The following FMN1 variants were observed in gnomAD, a reference collection of about 807,000 sequenced individuals.
FMN1 encodes the protein formin-1.
In FMN1, 110 loss-of-function variants were observed where a neutral mutation model predicts 132.4. That is an observed-to-expected ratio of 0.83 (90% CI 0.71 to 0.97). FMN1 has a LOEUF of 0.97. Among genes scored for constraint, FMN1 ranks in the 50% least tolerant of loss-of-function variants. FMN1 has a pLI of 0.00. For missense variants in FMN1, 1,792 were observed against 1,705.3 expected (o/e 1.05, Z -0.90); for synonymous variants, 722 against 651.7 (o/e 1.11, Z -1.64).
At chr15:32,827,564 A>G (rs940279041) in intron 17 of FMN1, among the ~76,000 whole-genome samples, 1 of 152,222 alleles carries the variant, frequency 6.6e-6, no homozygotes, top group South Asian at 2.1e-4. Flanking sequence ...AAGAAAGGAC[A>G]TACAGGCCGG....
intron 18 of FMN1, among the ~76,000 whole-genome samples, chr15:32,804,054 G>A (rs186970150): frequency 4.1e-4 from 63 of 152,278 alleles, no homozygotes; most frequent in Non-Finnish European, 7.6e-4. Context: ...ATTGCATGAG[G>A]TAGCTAAAGT....
chr15:32,969,870 A>C (rs2031635285), intron 7 of FMN1, among the ~76,000 whole-genome samples: 1 of 152,212 alleles, frequency 6.6e-6, no homozygotes, highest in Non-Finnish European at 1.5e-5. Flanking sequence ...GAAAACTATA[A>C]AGAAAAAAAT....
At position 33,015,593 on chromosome 15, in the gene FMN1, T is replaced by C. The variant is rs74804229; in HGVS notation, c.2162-7518A>G. Among the ~76,000 whole-genome samples, 3 of 152,094 alleles carry C rather than the reference T, an allele frequency of 2.0e-5. No homozygotes were observed. In the East Asian group the frequency reaches 5.8e-4, roughly 29 times the overall value. Reference sequence around the variant, plus strand: ...GAAACTTTCTGAATTCTCCACTGAGTAGGAAACATGGATCTACTCCTACCC... The same window carrying C: ...GAAACTTTCTGAATTCTCCACTGAGCAGGAAACATGGATCTACTCCTACCC... On this transcript the variant is annotated intron_variant, in intron 6 of 20. Transcript: ENST00000616417.
chr15:32,813,989 T>A (rs751662005), intron 17 of FMN1, among the ~76,000 whole-genome samples: 1 of 152,198 alleles, frequency 6.6e-6, no homozygotes, highest in Non-Finnish European at 1.5e-5. Context: ...TCCATAGGAA[T>A]AGATACATCA....
intron 19 of FMN1, among the ~76,000 whole-genome samples, chr15:32,792,066 G>A (rs1271163708): frequency 3.3e-5 from 5 of 152,146 alleles, no homozygotes; most frequent in Admixed American, 3.3e-4. Flanking sequence ...AAGAAACAGA[G>A]GAACTAAGGA....
chr15:33,006,481 C>T (rs2034424132), intron 7 of FMN1, among the ~76,000 whole-genome samples: 1 of 152,078 alleles, frequency 6.6e-6, no homozygotes, highest in Non-Finnish European at 1.5e-5. Flanking sequence ...AGTGTGGAGG[C>T]TCTTCAAAAA....
chr15:32,939,146 C>T (rs2061345546), intron 9 of FMN1, among the ~76,000 whole-genome samples: 1 of 152,158 alleles, frequency 6.6e-6, no homozygotes, highest in Non-Finnish European at 1.5e-5. Flanking sequence ...TTTAGTGGCC[C>T]CCTGTGGACT....
intron 6 of FMN1, among the ~76,000 whole-genome samples, chr15:33,030,717 G>A (rs1274845666): frequency 6.6e-6 from 1 of 152,144 alleles, no homozygotes; most frequent in Admixed American, 6.5e-5. Context: ...AGTTATAATT[G>A]TAAAATGCCC....
intron 19 of FMN1, among the ~76,000 whole-genome samples, chr15:32,787,674 C>A (rs546765911): frequency 9.8e-4 from 149 of 152,166 alleles, no homozygotes; most frequent in African/African-American, 3.6e-3. Context: ...ACAGCAAGAC[C>A]CTCTCAACTA....
chr15:33,027,074 T>TA (rs1012678241), intron 6 of FMN1, among the ~76,000 whole-genome samples: 17 of 143,926 alleles, frequency 1.2e-4, no homozygotes, highest in African/African-American at 4.6e-4. Flanking sequence ...AACAGACATA[T>TA]TTTTTTTTTA....
intron 17 of FMN1, among the ~76,000 whole-genome samples, chr15:32,850,974 C>T (rs944038530): frequency 5.3e-5 from 8 of 151,976 alleles, no homozygotes; most frequent in Non-Finnish European, 8.8e-5. Flanking sequence ...AGGAGAATGG[C>T]GTGAACCCGG....
intron 6 of FMN1, among the ~76,000 whole-genome samples, chr15:33,045,006 G>C (rs1044677557): frequency 6.6e-6 from 1 of 152,224 alleles, no homozygotes. Flanking sequence ...ACAAGGAGGA[G>C]AGAAAAGAGC....
Position 32,867,239 on chromosome 15 carries a change from C to T in FMN1, c.3836-10132G>A, listed in dbSNP as rs1011184672. Reference sequence around the variant, plus strand: ...AAAATCTCATTATGCCAGTCCCCTGCTTAAACCTGCAGGCACCTCTATTAC... The same window carrying T: ...AAAATCTCATTATGCCAGTCCCCTGTTTAAACCTGCAGGCACCTCTATTAC... On this transcript the variant is annotated intron_variant, in intron 16 of 20. Coordinates refer to ENST00000616417, the MANE Select transcript of FMN1 (RefSeq NM_001277313.2). Among the ~76,000 whole-genome samples, 3 of 152,298 alleles carry T rather than the reference C, an allele frequency of 2.0e-5. No individual in the cohort carries two copies. The East Asian group carries it at 5.8e-4, about 29-fold the overall frequency.
intron 10 of FMN1, among the ~76,000 whole-genome samples, chr15:32,920,120 T>C (rs1004830316): frequency 2.0e-5 from 3 of 152,206 alleles, no homozygotes; most frequent in Admixed American, 6.5e-5. Context: ...TGGCATCTAG[T>C]CTGTTGCAAT....
At chr15:33,061,599 T>A (rs1020987902) in intron 6 of FMN1, among the ~76,000 whole-genome samples, 1 of 151,992 alleles carries the variant, frequency 6.6e-6, no homozygotes, top group African/African-American at 2.4e-5. Flanking sequence ...AATTTTAAGT[T>A]TTTCTAGAAG....
chr15:33,123,155 T>C (rs1228333810), intron 4 of FMN1, among the ~76,000 whole-genome samples: 6 of 151,500 alleles, frequency 4.0e-5, no homozygotes, highest in African/African-American at 1.5e-4. Flanking sequence ...ATTTGCGCAA[T>C]GTTTTCACAT....
intron 18 of FMN1, among the ~76,000 whole-genome samples, chr15:32,802,811 G>A (rs139759340): frequency 3.9e-4 from 60 of 152,280 alleles, no homozygotes; most frequent in African/African-American, 1.4e-3. Flanking sequence ...TAACACAGAC[G>A]TGCTAGTTTT....
intron 17 of FMN1, among the ~76,000 whole-genome samples, chr15:32,806,446 A>T (rs769518940): frequency 1.9e-4 from 29 of 152,256 alleles, no homozygotes; most frequent in Non-Finnish European, 3.8e-4. Context: ...TGTGTGCTCA[A>T]TATAGGCCAT....
intron 16 of FMN1, among the ~76,000 whole-genome samples, chr15:32,875,017 C>CGGGT (rs999873643): frequency 1.3e-5 from 2 of 152,150 alleles, no homozygotes; most frequent in African/African-American, 4.8e-5. Flanking sequence ...TCTGGTCCAG[C>CGGGT]GGGTCCTGGT....
Sources: gnomAD v4.1 joint callset for allele counts (sites outside exome capture counted in the v4.1 genomes callset) on GRCh38, gnomAD v4.1.1 for gene constraint, MANE v1.5 for transcripts, NCBI Gene and HGNC (gene_info 2026-07-23, HGNC 2026-07-21) for gene names.